Variants in PDZRN4 observed in about 807,000 individuals in gnomAD.
PDZRN4 encodes the protein PDZ domain containing ring finger 4.
In PDZRN4, 70 loss-of-function variants were observed where a neutral mutation model predicts 99.0. That is an observed-to-expected ratio of 0.71 (90% CI 0.58 to 0.86). The LOEUF is 0.86. Ranked by LOEUF, PDZRN4 falls within the 40% of genes least tolerant of loss-of-function variation. The pLI is 0.00. For synonymous variants in PDZRN4, 551 were observed against 501.6 expected, an observed-to-expected ratio of 1.10 and a Z score of -1.32; for missense variants, 1,474 against 1,331.2, an observed-to-expected ratio of 1.11 and a Z score of -1.67.
chr12:41,355,870 G>A (rs1951924044), intron 3 of PDZRN4, among the ~76,000 whole-genome samples: 1 of 151,936 alleles, frequency 6.6e-6, no homozygotes, highest in Non-Finnish European at 1.5e-5. Context: ...ACAAATGAAC[G>A]CATGTATTAT....
intron 3 of PDZRN4, among the ~76,000 whole-genome samples, chr12:41,268,098 G>A (rs957804091): frequency 2.0e-5 from 3 of 150,808 alleles, no homozygotes; most frequent in South Asian, 2.1e-4. Flanking sequence ...TAAGTTCTGC[G>A]ACAGATACAA....
At chr12:41,257,535 C>T (rs1196978358) in intron 3 of PDZRN4, among the ~76,000 whole-genome samples, 2 of 152,074 alleles carry the variant, frequency 1.3e-5, no homozygotes, top group Non-Finnish European at 2.9e-5. Flanking sequence ...ATGGGATAGC[C>T]CTGGAATAGA....
chr12:41,210,341 C>G (rs1194610516), intron 3 of PDZRN4, among the ~76,000 whole-genome samples: 1 of 151,932 alleles, frequency 6.6e-6, no homozygotes, highest in Admixed American at 6.6e-5. Flanking sequence ...TGCAGAAGCT[C>G]TTTAGTTTAA....
intron 7 of PDZRN4, among the ~76,000 whole-genome samples, chr12:41,561,839 C>T (rs77073678): frequency 0.031 from 4,643 of 151,854 alleles, 151 homozygotes; most frequent in African/African-American, 0.077. Context: ...CAGACATAAG[C>T]CCTCAAAGTG....
chr12:41,321,189 G>A (rs1951675055), intron 3 of PDZRN4, among the ~76,000 whole-genome samples: 1 of 152,030 alleles, frequency 6.6e-6, no homozygotes, highest in African/African-American at 2.4e-5. Context: ...CACAAAAGCT[G>A]GATTATGCAG....
In PDZRN4 at chr12:41,398,699, C is replaced by T. The variant is rs528666426; in HGVS notation, c.844-107757C>T. Among the ~76,000 whole-genome samples, 250 of 152,196 alleles carry T rather than the reference C, an allele frequency of 1.6e-3. 2 individuals are homozygous for T. Among genetic ancestry groups the T allele is most frequent in the South Asian group, 5.8e-3 (28 of 4,822 alleles). On this transcript the variant is annotated intron_variant, in intron 3 of 9. Transcript: ENST00000402685. ...CTTTAATTTATATCACAACTGAAGC[C>T]TATTCAGTCACCCAGGGGGTAGAAA...
chr12:41,295,351 C>T (rs1461278991), intron 3 of PDZRN4, among the ~76,000 whole-genome samples: 3 of 151,874 alleles, frequency 2.0e-5, no homozygotes, highest in African/African-American at 7.3e-5. Flanking sequence ...TCCCCAATTT[C>T]AGAAAATGTA....
At chr12:41,312,453 C>A (rs118155654) in intron 3 of PDZRN4, among the ~76,000 whole-genome samples, 1 of 152,088 alleles carries the variant, frequency 6.6e-6, no homozygotes, top group African/African-American at 2.4e-5. Context: ...TGAGGCTGGG[C>A]GTGTGGCCTT....
chr12:41,441,432 A>G (rs1952680294), intron 3 of PDZRN4, among the ~76,000 whole-genome samples: 1 of 152,188 alleles, frequency 6.6e-6, no homozygotes. Context: ...TGCATCTGTG[A>G]ATTAGTAACA....
intron 3 of PDZRN4, among the ~76,000 whole-genome samples, chr12:41,487,091 A>G (rs1175125572): frequency 6.6e-6 from 1 of 152,108 alleles, no homozygotes; most frequent in Non-Finnish European, 1.5e-5. Flanking sequence ...TTGACACATA[A>G]TCAACTTTCC....
chr12:41,307,468 A>T (rs923777739), intron 3 of PDZRN4, among the ~76,000 whole-genome samples: 33 of 152,294 alleles, frequency 2.2e-4, no homozygotes, highest in Admixed American at 5.2e-4. Context: ...GGCCTCATTG[A>T]AACCTAATTA....
At chr12:41,380,503 AC>A (rs1952116933) in intron 3 of PDZRN4, among the ~76,000 whole-genome samples, 1 of 151,860 alleles carries the variant, frequency 6.6e-6, no homozygotes, top group Non-Finnish European at 1.5e-5. Flanking sequence ...TTCTTTATTT[AC>A]TACAGATTTC....
chr12:41,387,679 CACA>C, intron 3 of PDZRN4, among the ~76,000 whole-genome samples: 1 of 152,280 alleles, frequency 6.6e-6, no homozygotes, highest in Middle Eastern at 3.4e-3. Context: ...TGAAAAAAAG[CACA>C]ACATCACTGA....
At chr12:41,395,131 C>A (rs1952237579) in intron 3 of PDZRN4, among the ~76,000 whole-genome samples, 1 of 152,128 alleles carries the variant, frequency 6.6e-6, no homozygotes, top group African/African-American at 2.4e-5. Context: ...AACTCTAAAT[C>A]CAGAACTTCA....
chr12:41,472,324 C>T (rs888313963), intron 3 of PDZRN4, among the ~76,000 whole-genome samples: 8 of 152,148 alleles, frequency 5.3e-5, no homozygotes, highest in African/African-American at 1.7e-4. Context: ...ATTAGAAAGA[C>T]CAATTCCATT....
intron 3 of PDZRN4, among the ~76,000 whole-genome samples, chr12:41,487,248 A>G (rs541591042): frequency 3.4e-3 from 352 of 103,798 alleles, no homozygotes; most frequent in African/African-American, 0.02. Flanking sequence ...CTGGTGCCCA[A>G]TAATTTTTTT....
intron 3 of PDZRN4, among the ~76,000 whole-genome samples, chr12:41,458,115 C>A (rs2608692): frequency 1.3e-5 from 2 of 152,046 alleles, no homozygotes; most frequent in South Asian, 4.1e-4. Context: ...AGAGTCTGAA[C>A]CTGGGAAATC....
At chr12:41,354,571 A>G (rs1036274385) in intron 3 of PDZRN4, among the ~76,000 whole-genome samples, 3 of 152,062 alleles carry the variant, frequency 2.0e-5, no homozygotes, top group Admixed American at 2.0e-4. Context: ...AATGAAGGAG[A>G]ACAAGAATTA....
chr12:41,428,577 G>A (rs1952558606), intron 3 of PDZRN4, among the ~76,000 whole-genome samples: 1 of 152,142 alleles, frequency 6.6e-6, no homozygotes, highest in Admixed American at 6.6e-5. Flanking sequence ...TGCTCTTAAA[G>A]CAGAAATTTC....
Sources: gnomAD v4.1 joint callset for allele counts (sites outside exome capture counted in the v4.1 genomes callset) on GRCh38, gnomAD v4.1.1 for gene constraint, MANE v1.5 for transcripts, NCBI Gene and HGNC (gene_info 2026-07-23, HGNC 2026-07-21) for gene names.